CUX2: variants seen among roughly 807,000 people sequenced by gnomAD.
The protein encoded by CUX2 is homeobox protein cut-like 2.
CUX2 carries 40 observed loss-of-function variants against 144.8 expected under a neutral mutation model. That is an observed-to-expected ratio of 0.28 (90% CI 0.21 to 0.36). The LOEUF (loss-of-function observed/expected upper bound fraction) is 0.36. Ranked by LOEUF, CUX2 falls within the 10% of genes least tolerant of loss-of-function variation. CUX2 has a pLI of 1.00. For synonymous variants in CUX2, 827 were observed against 875.6 expected (o/e 0.94, Z 0.98); for missense variants, 1,615 against 1,994.0 (o/e 0.81, Z 3.62).
intron 18 of CUX2, among the ~76,000 whole-genome samples, chr12:111,324,919 CTA>C (rs1221123842): frequency 6.6e-6 from 1 of 152,054 alleles, no homozygotes; most frequent in African/African-American, 2.4e-5. Flanking sequence ...CTGTATATTT[CTA>C]TATGTTTTTA....
intron 16 of CUX2, 97 bp from the exon 17 acceptor site, chr12:111,319,915 A>G: frequency 7.2e-7 from 1 of 1,389,108 alleles, no homozygotes; most frequent in Non-Finnish European, 9.3e-7. Context: ...GGTTGCCTGG[A>G]CACCGTGCTG....
intron 1 of CUX2, among the ~76,000 whole-genome samples, chr12:111,147,242 A>T (rs1055465852): frequency 4.6e-5 from 7 of 152,234 alleles, no homozygotes; most frequent in Non-Finnish European, 1.0e-4. Flanking sequence ...CTATTTTGGT[A>T]GATGCTAACA....
chr12:111,288,494 C>G (rs1463028326), intron 4 of CUX2, among the ~76,000 whole-genome samples: 1 of 151,852 alleles, frequency 6.6e-6, no homozygotes, highest in Non-Finnish European at 1.5e-5. Flanking sequence ...CCTCTGCTTC[C>G]CAGCAGAGAG....
chr12:111,234,716 CTTTTTTTT>C (rs779196975), intron 3 of CUX2, among the ~76,000 whole-genome samples: 1 of 132,950 alleles, frequency 7.5e-6, no homozygotes, highest in Non-Finnish European at 1.6e-5. Context: ...CTTCCCCTTT[CTTTTTTTT>C]TTTTTTTTTT....
chr12:111,159,527 T>G (rs1414072445), intron 1 of CUX2, among the ~76,000 whole-genome samples: 1 of 152,238 alleles, frequency 6.6e-6, no homozygotes, highest in African/African-American at 2.4e-5. Flanking sequence ...GTAGCTCATT[T>G]AAAAATATTA....
intron 14 of CUX2, 87 bp from the exon 15 acceptor site, chr12:111,309,954 C>T: frequency 8.6e-7 from 1 of 1,164,070 alleles, no homozygotes; most frequent in Non-Finnish European, 1.1e-6. Flanking sequence ...TCTCTCTCCC[C>T]CTCTGGTTCT....
chr12:111,258,700 T>A (rs1198545434), intron 3 of CUX2, among the ~76,000 whole-genome samples: 1 of 151,786 alleles, frequency 6.6e-6, no homozygotes, highest in Non-Finnish European at 1.5e-5. Context: ...TTCTTTTGAT[T>A]GTAAAGATAG....
chr12:111,138,545 G>A (rs1040566181), intron 1 of CUX2, among the ~76,000 whole-genome samples: 1 of 152,012 alleles, frequency 6.6e-6, no homozygotes, highest in Admixed American at 6.5e-5. Context: ...AGCCCCCAGG[G>A]TTCCCTCCTC....
chr12:111,152,210 G>A (rs1017713171), intron 1 of CUX2, among the ~76,000 whole-genome samples: 4 of 152,110 alleles, frequency 2.6e-5, no homozygotes, highest in South Asian at 2.1e-4. Context: ...ACTTGAACCC[G>A]AGAGGTGGAG....
At chr12:111,099,420 CTCT>C in intron 1 of CUX2, 4 of 393,296 alleles carry the variant, frequency 1.0e-5, no homozygotes, top group South Asian at 7.5e-5. Flanking sequence ...TATGTGGTTT[CTCT>C]TCTTCCTTCA....
At chr12:111,303,062 AC>A (rs1460296578) in intron 9 of CUX2, among the ~76,000 whole-genome samples, 1 of 150,154 alleles carries the variant, frequency 6.7e-6, no homozygotes. Context: ...CTCTATTAAA[AC>A]TACAAAAATT....
At chr12:111,106,270 G>A (rs1873600949) in intron 1 of CUX2, among the ~76,000 whole-genome samples, 1 of 151,460 alleles carries the variant, frequency 6.6e-6, no homozygotes, top group South Asian at 2.1e-4. Flanking sequence ...GGGATTACAG[G>A]CATGACCACA....
intron 1 of CUX2, chr12:111,099,364 T>G: frequency 2.8e-6 from 1 of 357,480 alleles, no homozygotes. Flanking sequence ...TTTTGGGGTC[T>G]AGGCCTCTGA....
At chr12:111,098,410 A>C (rs1022233798) in intron 1 of CUX2, among the ~76,000 whole-genome samples, 2 of 152,124 alleles carry the variant, frequency 1.3e-5, no homozygotes, top group African/African-American at 2.4e-5. Context: ...AAAAAAAAAA[A>C]AAAAAAGAAC....
chr12:111,343,572 C>G (rs185311500), intron 21 of CUX2, among the ~76,000 whole-genome samples: 4 of 152,310 alleles, frequency 2.6e-5, no homozygotes, highest in African/African-American at 9.6e-5. Context: ...GGAGGAGCAA[C>G]TCAGCATCTC....
chr12:111,267,802 C>T (rs1444320328), intron 4 of CUX2, among the ~76,000 whole-genome samples: 1 of 151,744 alleles, frequency 6.6e-6, no homozygotes, highest in African/African-American at 2.4e-5. Context: ...TCTCAATCTC[C>T]CTCTCCTTTC....
intron 1 of CUX2, among the ~76,000 whole-genome samples, chr12:111,201,764 AGAT>A (rs1880612891): frequency 6.6e-6 from 1 of 152,144 alleles, no homozygotes; most frequent in South Asian, 2.1e-4. Flanking sequence ...TCCCACCCCC[AGAT>A]GCTCCCAACC....
intron 4 of CUX2, among the ~76,000 whole-genome samples, chr12:111,278,797 C>G (rs1374943519): frequency 6.6e-6 from 1 of 152,200 alleles, no homozygotes; most frequent in Non-Finnish European, 1.5e-5. Context: ...TGACATTTAG[C>G]TGATGCATCG....
intron 3 of CUX2, among the ~76,000 whole-genome samples, chr12:111,229,234 C>G (rs2136242533): frequency 6.6e-6 from 1 of 152,328 alleles, no homozygotes; most frequent in Admixed American, 6.5e-5. Flanking sequence ...CTTGGCCTAG[C>G]TCAGAGGCAG....
Sources: gnomAD v4.1 joint callset for allele counts (sites outside exome capture counted in the v4.1 genomes callset) on GRCh38, gnomAD v4.1.1 for gene constraint, MANE v1.5 for transcripts, NCBI Gene and HGNC (gene_info 2026-07-23, HGNC 2026-07-21) for gene names.